The following DCLK1 variants were observed in gnomAD, a reference collection of about 807,000 sequenced individuals.
DCLK1 encodes serine/threonine-protein kinase DCLK1.
Under a neutral mutation model 86.2 loss-of-function variants are expected in DCLK1, and 16 were observed. The observed-to-expected ratio is 0.19, with a 90% confidence interval of 0.13 to 0.28. The LOEUF (loss-of-function observed/expected upper bound fraction) is 0.28. Among genes scored for constraint, DCLK1 ranks in the 10% least tolerant of loss-of-function variants. DCLK1 has a pLI of 1.00. For missense variants in DCLK1, 590 were observed against 940.2 expected, an observed-to-expected ratio of 0.63 and a Z score of 4.87; for synonymous variants, 369 against 370.5, an observed-to-expected ratio of 1.00 and a Z score of 0.05.
chr13:35,892,513 C>T (rs1873707040), intron 4 of DCLK1, among the ~76,000 whole-genome samples: 1 of 152,166 alleles, frequency 6.6e-6, no homozygotes, highest in Non-Finnish European at 1.5e-5. Flanking sequence ...TTTACTAATA[C>T]ATTTGTGAGG....
At chr13:35,903,073 A>G (rs1874472246) in intron 4 of DCLK1, among the ~76,000 whole-genome samples, 1 of 152,210 alleles carries the variant, frequency 6.6e-6, no homozygotes, top group Non-Finnish European at 1.5e-5. Context: ...CTTCTCAGTG[A>G]CAATTATAAA....
At chr13:35,804,225 G>C (rs1225212093) in intron 15 of DCLK1, among the ~76,000 whole-genome samples, 2 of 151,958 alleles carry the variant, frequency 1.3e-5, no homozygotes, top group Admixed American at 6.6e-5. Flanking sequence ...CCGCCTCCTG[G>C]GTTCAAGTGA....
chr13:35,962,391 G>A (rs944771181), intron 3 of DCLK1, among the ~76,000 whole-genome samples: 3 of 152,140 alleles, frequency 2.0e-5, no homozygotes, highest in Non-Finnish European at 4.4e-5. Flanking sequence ...AGATGCTTCC[G>A]TAAGCCACGG....
At chr13:36,071,862 C>G (rs142176396) in intron 3 of DCLK1, among the ~76,000 whole-genome samples, 1 of 152,104 alleles carries the variant, frequency 6.6e-6, no homozygotes, top group Non-Finnish European at 1.5e-5. Flanking sequence ...AATTCAAACA[C>G]AACAGAACTC....
At chr13:35,940,731 C>T (rs909301969) in intron 4 of DCLK1, among the ~76,000 whole-genome samples, 30 of 152,138 alleles carry the variant, frequency 2.0e-4, no homozygotes, top group Non-Finnish European at 4.4e-5. Context: ...GAGTGGATAT[C>T]TTCAAAGGAG....
intron 15 of DCLK1, among the ~76,000 whole-genome samples, chr13:35,801,020 G>C (rs34798329): frequency 6.6e-6 from 1 of 151,946 alleles, no homozygotes. Flanking sequence ...CACTGCACCC[G>C]GCCAAGACTG....
At chr13:36,131,430 C>G (rs927004954), upstream of DCLK1, 2 of 188,616 alleles carry the variant, frequency 1.1e-5, no homozygotes, top group Non-Finnish European at 2.1e-5. Context: ...CTCGCTCACA[C>G]GCCCTCCCGT....
Position 35,822,814 on chromosome 13 carries a change from C to G in DCLK1, c.1469G>C (p.Gly490Ala), listed in dbSNP as rs1001239789. Reference sequence around the variant, plus strand: ...GGCGCTGGCTAGGTTGTACAGCATCCCACTGGCGTCTCTCTCGGTGTATTT... The same window carrying G: ...GGCGCTGGCTAGGTTGTACAGCATCGCACTGGCGTCTCTCTCGGTGTATTT... ...TNKYTERDAS[G>A]MLYNLASAIK... The change falls in exon 11 of 17, where the codon GGG becomes GCG. Residue 490 changes from glycine to alanine, a missense_variant. This residue lies in a region of DCLK1 where 108 missense variants were observed against 195.7 expected (regional missense o/e 0.55). Transcript: ENST00000360631. The G allele has an allele frequency of 1.2e-6, 2 of 1,613,670 alleles. No homozygotes were observed. Among genetic ancestry groups the G allele is most frequent in the East Asian group, 4.5e-5 (2 of 44,836 alleles).
chr13:35,784,880 G>A (rs560828393), intron 16 of DCLK1, among the ~76,000 whole-genome samples: 4 of 152,170 alleles, frequency 2.6e-5, no homozygotes, highest in Admixed American at 6.5e-5. Context: ...CACACCACAC[G>A]GAGGTTCCTC....
intron 3 of DCLK1, among the ~76,000 whole-genome samples, chr13:36,041,943 T>A (rs1486866003): frequency 6.6e-6 from 1 of 152,208 alleles, no homozygotes; most frequent in Non-Finnish European, 1.5e-5. Flanking sequence ...CTATAAGGAA[T>A]TTTTATTGTC....
intron 4 of DCLK1, among the ~76,000 whole-genome samples, chr13:35,943,573 C>T (rs1336744226): frequency 6.6e-6 from 1 of 152,146 alleles, no homozygotes; most frequent in East Asian, 1.9e-4. Context: ...GGTATCTGGA[C>T]TCCCGAGCAC....
chr13:35,959,946 C>T (rs1344076763), intron 3 of DCLK1, among the ~76,000 whole-genome samples: 1 of 151,808 alleles, frequency 6.6e-6, no homozygotes, highest in African/African-American at 2.4e-5. Context: ...TCTACATGTG[C>T]TTACATTCCT....
chr13:35,806,623 G>T (rs1284980618), intron 14 of DCLK1, among the ~76,000 whole-genome samples: 3 of 152,226 alleles, frequency 2.0e-5, no homozygotes, highest in Non-Finnish European at 4.4e-5. Flanking sequence ...ATTTCATTGA[G>T]GGAGAGAGTT....
At chr13:36,123,878 C>A (rs1404495406) in intron 2 of DCLK1, among the ~76,000 whole-genome samples, 2 of 152,184 alleles carry the variant, frequency 1.3e-5, no homozygotes, top group Non-Finnish European at 2.9e-5. Flanking sequence ...ACAAGCATGC[C>A]ATAATTTTGC....
chr13:36,123,798 T>C (rs1886072015), intron 2 of DCLK1, among the ~76,000 whole-genome samples: 1 of 152,250 alleles, frequency 6.6e-6, no homozygotes, highest in Non-Finnish European at 1.5e-5. Flanking sequence ...GCTATCATTA[T>C]TACCTTCAGT....
chr13:35,997,320 C>A (rs907107810), intron 3 of DCLK1, among the ~76,000 whole-genome samples: 3 of 152,202 alleles, frequency 2.0e-5, no homozygotes, highest in Non-Finnish European at 4.4e-5. Flanking sequence ...AAAACCTAGG[C>A]AGATATGATT....
chr13:35,943,524 A>G (rs557982380), intron 4 of DCLK1, among the ~76,000 whole-genome samples: 4 of 152,322 alleles, frequency 2.6e-5, no homozygotes, highest in South Asian at 2.1e-4. Context: ...TTGATAAAAA[A>G]ACAGAATAAT....
intron 2 of DCLK1, among the ~76,000 whole-genome samples, chr13:36,115,355 AC>A (rs1483456260): frequency 6.6e-6 from 1 of 152,196 alleles, no homozygotes; most frequent in African/African-American, 2.4e-5. Flanking sequence ...AAATAAAAAA[AC>A]ACAAGGTATT....
At chr13:35,855,002 T>A (rs1306248122) in intron 5 of DCLK1, among the ~76,000 whole-genome samples, 1 of 152,232 alleles carries the variant, frequency 6.6e-6, no homozygotes, top group East Asian at 1.9e-4. Flanking sequence ...CCAGTGACAT[T>A]CCAGTGACCT....
Sources: allele counts gnomAD v4.1 joint callset (sites outside exome capture counted in the v4.1 genomes callset), GRCh38; gene constraint gnomAD v4.1.1; regional missense constraint gnomAD v4.1.1; transcripts MANE v1.5; gene names NCBI Gene and HGNC (gene_info 2026-07-23, HGNC 2026-07-21).